CRISP1: variants seen among roughly 807,000 people sequenced by gnomAD.
CRISP1 encodes the protein cysteine-rich secretory protein 1.
Under a neutral mutation model 33.1 loss-of-function variants are expected in CRISP1, and 44 were observed. That is an observed-to-expected ratio of 1.33 (90% confidence interval 1.05 to 1.71). CRISP1 has a LOEUF of 1.71. Among genes scored for constraint, CRISP1 ranks in the 40% most tolerant of loss-of-function variants. CRISP1 has a pLI of 0.00. For missense variants in CRISP1, 390 were observed against 301.2 expected (o/e 1.29, Z -2.18); for synonymous variants, 103 against 98.7 (o/e 1.04, Z -0.26).
At chr6:49,846,694 A>T (rs769746981) in intron 4 of CRISP1, 26 bp from the exon 5 acceptor site, 2 of 1,608,508 alleles carry the variant, frequency 1.2e-6, no homozygotes, top group Non-Finnish European at 1.7e-6. Context: ...GGGCTGGGTC[A>T]TACTCTGAAC....
chr6:49,844,514 A>T (rs1246047407), intron 5 of CRISP1, among the ~76,000 whole-genome samples: 1 of 150,140 alleles, frequency 6.7e-6, no homozygotes, highest in East Asian at 1.9e-4. Context: ...CCTGCAGATG[A>T]TCTCTGAAAA....
At chr6:49,848,332 C>T in intron 3 of CRISP1, 33 bp from the exon 4 acceptor site, 1 of 1,262,554 alleles carries the variant, frequency 7.9e-7, no homozygotes, top group Non-Finnish European at 1.1e-6. Context: ...GCACATGTTC[C>T]AATTAATATT....
intron 2 of CRISP1, among the ~76,000 whole-genome samples, chr6:49,856,161 C>A (rs1345081645): frequency 6.6e-6 from 1 of 152,130 alleles, no homozygotes; most frequent in East Asian, 1.9e-4. Context: ...TTGCTCTGGA[C>A]TTTTAACTAG....
intron 5 of CRISP1, among the ~76,000 whole-genome samples, chr6:49,842,136 G>C (rs1771012685): frequency 6.6e-6 from 1 of 152,092 alleles, no homozygotes; most frequent in African/African-American, 2.4e-5. Context: ...ACACCATATG[G>C]CTTTTAATTA....
chr6:49,838,550 TA>T, intron 6 of CRISP1, 25 bp from the exon 7 acceptor site: 2 of 1,565,396 alleles, frequency 1.3e-6, no homozygotes, highest in Non-Finnish European at 1.8e-6. Flanking sequence ...AGTGATTTCA[TA>T]AAACCCATCT....
intron 1 of CRISP1, among the ~76,000 whole-genome samples, chr6:49,858,689 A>G (rs752086427): frequency 6.6e-6 from 1 of 152,166 alleles, no homozygotes; most frequent in Non-Finnish European, 1.5e-5. Context: ...TTATCGTAAT[A>G]TGGTGACACA....
chr6:49,857,529 A>G, intron 1 of CRISP1, 127 bp from the exon 2 acceptor site: 1 of 778,294 alleles, frequency 1.3e-6, no homozygotes, highest in Non-Finnish European at 2.1e-6. Context: ...TAGGATCCGA[A>G]CAAGGTTTAA....
chr6:49,875,170 T>C (rs1049791220), intron 1 of CRISP1, among the ~76,000 whole-genome samples: 9 of 151,898 alleles, frequency 5.9e-5, no homozygotes, highest in African/African-American at 2.2e-4. Context: ...CATTGTCTCA[T>C]CCCAGAAGAT....
intron 1 of CRISP1, among the ~76,000 whole-genome samples, chr6:49,871,760 T>C (rs1771929922): frequency 6.6e-6 from 1 of 152,082 alleles, no homozygotes; most frequent in Admixed American, 6.5e-5. Flanking sequence ...TAGTATTCCA[T>C]GGTGTATATG....
intron 1 of CRISP1, among the ~76,000 whole-genome samples, chr6:49,865,482 C>G (rs1327097793): frequency 2.0e-5 from 3 of 152,110 alleles, no homozygotes; most frequent in Non-Finnish European, 4.4e-5. Flanking sequence ...AGTCATATTT[C>G]TTCCAAATTC....
At chr6:49,845,275 C>T (rs887519255) in intron 5 of CRISP1, among the ~76,000 whole-genome samples, 2 of 152,144 alleles carry the variant, frequency 1.3e-5, no homozygotes, top group Non-Finnish European at 2.9e-5. Context: ...TGTCTCTATC[C>T]TTGACTCTCT....
chr6:49,838,270 G>T, intron 7 of CRISP1, among the ~76,000 whole-genome samples, 167 bp downstream of exon 7: 1 of 152,100 alleles, frequency 6.6e-6, no homozygotes, highest in Admixed American at 6.6e-5. Flanking sequence ...TAAATCAATG[G>T]TTTTCAGTCA....
chr6:49,873,215 GA>G (rs554013404), intron 1 of CRISP1, among the ~76,000 whole-genome samples: 1 of 151,948 alleles, frequency 6.6e-6, no homozygotes, highest in South Asian at 2.1e-4. Context: ...GGATAAGCCA[GA>G]AAAACCTAAT....
intron 1 of CRISP1, among the ~76,000 whole-genome samples, chr6:49,865,851 G>T (rs1446136402): frequency 6.6e-6 from 1 of 152,138 alleles, no homozygotes; most frequent in African/African-American, 2.4e-5. Context: ...AAGAAGTTTG[G>T]ACAGCTTAAA....
In CRISP1 at chr6:49,835,250, G is replaced by T. The variant is rs1582249205; in HGVS notation, c.*66C>A. On this transcript the variant is annotated 3_prime_UTR_variant, in exon 8 of 8. Coordinates refer to ENST00000335847, the MANE Select transcript of CRISP1 (RefSeq NM_001131.3). ...CAGAAGCTACTGAACTATAGCAAAA[G>T]ACATGAATCCAACAGACATCTCCTC... 2 of 1,545,304 alleles carry T rather than the reference G, an allele frequency of 1.3e-6. No homozygotes were observed. The highest frequency in any genetic ancestry group is 1.8e-6 in the Non-Finnish European group (2 of 1,137,080).
chr6:49,865,494 C>T (rs1161607096), intron 1 of CRISP1, among the ~76,000 whole-genome samples: 1 of 152,120 alleles, frequency 6.6e-6, no homozygotes, highest in Admixed American at 6.6e-5. Context: ...TCCAAATTCT[C>T]TTGTCTAATG....
At chr6:49,867,782 A>G (rs1771832446), upstream of CRISP1, among the ~76,000 whole-genome samples, 1 of 152,300 alleles carries the variant, frequency 6.6e-6, no homozygotes, top group South Asian at 2.1e-4. Context: ...TCTTTCATAG[A>G]TAAGATGAAT....
At chr6:49,866,722 C>T (rs1771807567), upstream of CRISP1, among the ~76,000 whole-genome samples, 1 of 152,104 alleles carries the variant, frequency 6.6e-6, no homozygotes, top group Non-Finnish European at 1.5e-5. Context: ...TAAACTTTTA[C>T]CCTGGGAACT....
At chr6:49,858,529 C>T (rs1771556144) in intron 1 of CRISP1, among the ~76,000 whole-genome samples, 1 of 152,176 alleles carries the variant, frequency 6.6e-6, no homozygotes, top group South Asian at 2.1e-4. Flanking sequence ...TGCTGACTGC[C>T]AGACATGCTC....
Sources: allele counts gnomAD v4.1 joint callset (sites outside exome capture counted in the v4.1 genomes callset), GRCh38; gene constraint gnomAD v4.1.1; transcripts MANE v1.5; gene names NCBI Gene and HGNC (gene_info 2026-07-23, HGNC 2026-07-21).